Variants in CDH13 observed in about 807,000 individuals in gnomAD.
CDH13 encodes cadherin 13.
In CDH13, 24 loss-of-function variants were observed where a neutral mutation model predicts 63.8. The observed-to-expected ratio is 0.38, with a 90% CI of 0.27 to 0.53. The LOEUF is 0.53. CDH13 is among the 20% of genes least tolerant of loss of function. The pLI is 0.85. For missense variants in CDH13, 1,049 were observed against 903.1 expected (o/e 1.16, Z -2.07); for synonymous variants, 503 against 355.3 (o/e 1.42, Z -4.67).
chr16:83,263,545 A>G (rs1206493277), intron 5 of CDH13, among the ~76,000 whole-genome samples: 1 of 152,142 alleles, frequency 6.6e-6, no homozygotes, highest in African/African-American at 2.4e-5. Flanking sequence ...CTCCCTAGCC[A>G]CCGCCCACTG....
At chr16:82,725,975 A>C (rs2033073021) in intron 1 of CDH13, among the ~76,000 whole-genome samples, 1 of 152,014 alleles carries the variant, frequency 6.6e-6, no homozygotes, top group Admixed American at 6.6e-5. Flanking sequence ...AAGGTGTGAA[A>C]CCTTTGGTGC....
At chr16:82,816,091 T>C (rs1380091664) in intron 1 of CDH13, among the ~76,000 whole-genome samples, 1 of 152,136 alleles carries the variant, frequency 6.6e-6, no homozygotes, top group African/African-American at 2.4e-5. Flanking sequence ...GTACGGAGGA[T>C]GAGCCTTGCA....
intron 2 of CDH13, among the ~76,000 whole-genome samples, chr16:83,010,379 T>A (rs1295599876): frequency 6.6e-6 from 1 of 152,118 alleles, no homozygotes; most frequent in African/African-American, 2.4e-5. Flanking sequence ...AAAGCTTGAA[T>A]GACAGAGATG....
At chr16:83,439,393 A>G (rs1458604835) in intron 6 of CDH13, among the ~76,000 whole-genome samples, 2 of 152,232 alleles carry the variant, frequency 1.3e-5, no homozygotes, top group East Asian at 3.8e-4. Context: ...ATAGGGAACT[A>G]TGGGATGTCT....
At chr16:83,391,301 G>T (rs1187008934) in intron 6 of CDH13, among the ~76,000 whole-genome samples, 1 of 152,010 alleles carries the variant, frequency 6.6e-6, no homozygotes, top group Non-Finnish European at 1.5e-5. Flanking sequence ...TGCCTCCCGG[G>T]TTCAAATGAT....
intron 1 of CDH13, among the ~76,000 whole-genome samples, chr16:82,797,410 G>A (rs1416876065): frequency 3.3e-5 from 5 of 152,146 alleles, no homozygotes; most frequent in East Asian, 1.9e-4. Flanking sequence ...TCGAGCTGCC[G>A]CCAGACCTTT....
At chr16:82,776,848 A>G (rs922072064) in intron 1 of CDH13, among the ~76,000 whole-genome samples, 1 of 152,196 alleles carries the variant, frequency 6.6e-6, no homozygotes, top group Non-Finnish European at 1.5e-5. Flanking sequence ...GTGTCCCAGC[A>G]TTTTGCACAG....
chr16:83,487,250 G>A (rs945162298), intron 7 of CDH13, among the ~76,000 whole-genome samples: 1 of 152,182 alleles, frequency 6.6e-6, no homozygotes, highest in Middle Eastern at 3.2e-3. Flanking sequence ...CTTTCGTTTT[G>A]CCTGCAGTGT....
intron 2 of CDH13, among the ~76,000 whole-genome samples, chr16:82,983,536 C>T (rs1345994681): frequency 3.3e-5 from 5 of 152,162 alleles, no homozygotes; most frequent in Admixed American, 1.3e-4. Context: ...AGCAACCAGA[C>T]GATGCAAACT....
chr16:82,687,929 T>TCAGA (rs1469185006), intron 1 of CDH13, among the ~76,000 whole-genome samples: 1 of 152,132 alleles, frequency 6.6e-6, no homozygotes, highest in African/African-American at 2.4e-5. Context: ...CTCCTTGGAC[T>TCAGA]CAGACATGCT....
intron 11 of CDH13, among the ~76,000 whole-genome samples, chr16:83,756,345 T>C (rs1215268910): frequency 6.6e-6 from 1 of 152,186 alleles, no homozygotes; most frequent in Non-Finnish European, 1.5e-5. Flanking sequence ...CTACATACAA[T>C]AGACACACTT....
At chr16:82,639,445 C>A in intron 1 of CDH13, 2 of 1,534,814 alleles carry the variant, frequency 1.3e-6, no homozygotes, top group Non-Finnish European at 1.7e-6. Flanking sequence ...GCGTGACCCA[C>A]CTGCAGCTTC....
intron 1 of CDH13, among the ~76,000 whole-genome samples, chr16:82,792,906 C>G (rs1183851449): frequency 6.9e-6 from 1 of 145,776 alleles, no homozygotes; most frequent in East Asian, 2.0e-4. Context: ...GGCACTCTCC[C>G]AAAGGCACCC....
intron 5 of CDH13, among the ~76,000 whole-genome samples, chr16:83,304,650 T>C (rs1198295896): frequency 6.6e-6 from 1 of 152,228 alleles, no homozygotes; most frequent in African/African-American, 2.4e-5. Context: ...GAACAGGTTC[T>C]TTACTGAAAG....
intron 5 of CDH13, among the ~76,000 whole-genome samples, chr16:83,300,605 C>T (rs1390739708): frequency 3.3e-5 from 5 of 152,202 alleles, no homozygotes; most frequent in African/African-American, 9.6e-5. Context: ...TCTGGGGACG[C>T]AGTGTTGGAC....
At chr16:83,791,349 A>G (rs559260197) in intron 13 of CDH13, among the ~76,000 whole-genome samples, 2 of 152,018 alleles carry the variant, frequency 1.3e-5, no homozygotes, top group South Asian at 4.2e-4. Flanking sequence ...TATAAAAATT[A>G]CCTGGGCACG....
intron 1 of CDH13, among the ~76,000 whole-genome samples, chr16:82,785,052 A>G (rs1222745887): frequency 1.3e-5 from 2 of 152,150 alleles, no homozygotes; most frequent in African/African-American, 4.8e-5. Context: ...AGAATGTAGC[A>G]TGATCAGCTG....
At chr16:83,427,161 G>C (rs1202430973) in intron 6 of CDH13, among the ~76,000 whole-genome samples, 1 of 151,890 alleles carries the variant, frequency 6.6e-6, no homozygotes, top group Non-Finnish European at 1.5e-5. Context: ...TGATCCGCCT[G>C]CCTCAGCCTC....
chr16:83,121,652 C>G (rs1047230483), intron 3 of CDH13, among the ~76,000 whole-genome samples: 4 of 152,168 alleles, frequency 2.6e-5, no homozygotes, highest in Non-Finnish European at 5.9e-5. Flanking sequence ...TGCTATGGAA[C>G]ATTTAGGATG....
Sources: allele counts gnomAD v4.1 joint callset (sites outside exome capture counted in the v4.1 genomes callset), GRCh38; gene constraint gnomAD v4.1.1; transcripts MANE v1.5; gene names NCBI Gene and HGNC (gene_info 2026-07-23, HGNC 2026-07-21).